The following ZNF727 variants were observed in gnomAD, a reference collection of about 807,000 sequenced individuals.
ZNF727 encodes the protein putative zinc finger protein 727.
A neutral mutation model predicts 11.5 loss-of-function variants in ZNF727; 11 were observed. The ratio of observed to expected loss-of-function variants is 0.95; its 90% CI spans 0.60 to 1.58. The LOEUF is 1.58. ZNF727 is among the 40% of genes most tolerant of loss of function. ZNF727 has a pLI of 0.00. For missense variants in ZNF727, 533 were observed against 581.7 expected (o/e 0.92, Z 0.86); for synonymous variants, 171 against 196.1 (o/e 0.87, Z 1.07).
rs1163911698 is a variant in ZNF727, at chr7:64,079,235, C to T, written c.*686C>T. 6.6e-6 allele frequency among the ~76,000 whole-genome samples: 1 copy of T among 152,184 alleles called. No individual in the cohort carries two copies. Among genetic ancestry groups the T allele is most frequent in the Non-Finnish European group, 1.5e-5 (1 of 68,016 alleles). On this transcript the variant is annotated 3_prime_UTR_variant, in exon 4 of 4. Transcript: ENST00000456806. ...TAAGACAATTCATAGTAGAGAGAAG[C>T]TCCACAAGTGTTAAAAATGTGGAAA...
At chr7:64,053,623 T>A (rs1199131581) in intron 1 of ZNF727, among the ~76,000 whole-genome samples, 1 of 151,970 alleles carries the variant, frequency 6.6e-6, no homozygotes. Flanking sequence ...TGGGCTGAGA[T>A]CTGATAGTTT....
intron 1 of ZNF727, among the ~76,000 whole-genome samples, chr7:64,046,896 T>C (rs767104615): frequency 1.8e-4 from 27 of 152,196 alleles, no homozygotes; most frequent in Non-Finnish European, 2.9e-4. Flanking sequence ...TGTATTGCAT[T>C]TGCACCCATC....
chr7:64,069,024 A>G lies in ZNF727; in HGVS notation c.130+7A>G, dbSNP rs1026403914. ...GGAAACCTGTTCTCCTTGGGTGAGA[A>G]TAACTTCAATATACAACTCATATTC... On this transcript the variant is annotated splice_region_variant and intron_variant, in intron 2 of 3. Transcript: ENST00000456806. The G allele has an allele frequency of 1.4e-4, 226 of 1,587,266 alleles. No homozygotes were observed. Among genetic ancestry groups the G allele is most frequent in the Non-Finnish European group, 1.8e-4 (214 of 1,168,654 alleles).
chr7:64,075,401 G>A (rs539478199), intron 3 of ZNF727, among the ~76,000 whole-genome samples: 9 of 151,664 alleles, frequency 5.9e-5, no homozygotes, highest in African/African-American at 2.2e-4. Flanking sequence ...TGATTATAAT[G>A]CATTTTCTAT....
intron 3 of ZNF727, among the ~76,000 whole-genome samples, chr7:64,070,857 G>T (rs1481904175): frequency 6.6e-6 from 1 of 151,960 alleles, no homozygotes; most frequent in African/African-American, 2.4e-5. Context: ...CTCCATAGAG[G>T]TGAGATCATA....
chr7:64,064,223 G>A (rs1278979388), intron 1 of ZNF727, among the ~76,000 whole-genome samples: 1 of 152,104 alleles, frequency 6.6e-6, no homozygotes, highest in East Asian at 1.9e-4. Flanking sequence ...GCCACAGCTT[G>A]GATTGCACTG....
chr7:64,074,916 A>G (rs1584155582), intron 3 of ZNF727, among the ~76,000 whole-genome samples: 1 of 152,098 alleles, frequency 6.6e-6, no homozygotes, highest in Middle Eastern at 3.4e-3. Context: ...TATCTTCTTT[A>G]CTATGAAGAT....
chr7:64,049,026 C>T (rs140400328), intron 1 of ZNF727, among the ~76,000 whole-genome samples: 1 of 152,166 alleles, frequency 6.6e-6, no homozygotes, highest in East Asian at 1.9e-4. Context: ...TTTAGTGGCA[C>T]AGGTATTGGC....
At chr7:64,052,412 C>G (rs1789615039) in intron 1 of ZNF727, among the ~76,000 whole-genome samples, 1 of 147,352 alleles carries the variant, frequency 6.8e-6, no homozygotes, top group African/African-American at 2.5e-5. Flanking sequence ...CTGCTGCCAT[C>G]CACATAAGAT....
intron 3 of ZNF727, among the ~76,000 whole-genome samples, chr7:64,075,192 C>A (rs1344584789): frequency 2.0e-5 from 3 of 151,762 alleles, no homozygotes; most frequent in African/African-American, 7.3e-5. Context: ...TCTAATTGTT[C>A]ATTTTATTTT....
Position 64,077,551 on chromosome 7 carries a change from A to G in ZNF727, c.502A>G (p.Ser168Gly), listed in dbSNP as rs751769062. 2 of 1,551,452 alleles carry G rather than the reference A, an allele frequency of 1.3e-6. No individual in the cohort carries two copies. The highest frequency in any genetic ancestry group is 2.4e-5 in the South Asian group (2 of 84,044). Residue 168 changes from serine (S) to glycine (G), a missense_variant, in exon 4 of 4, where the codon AGC becomes GGC. This residue lies in a region of ZNF727 where 463 missense variants were observed against 494.5 expected (regional missense o/e 0.94). Transcript: ENST00000456806. ...SIFTEHKKIF[S>G]REKCYKCEEC... is the part of the protein sequence containing the mutation. The stretch of plus-strand genomic sequence containing the variant: ...CTTCACTGAACATAAGAAAATTTTT[A>G]GCAGAGAGAAATGCTACAAATGTGA...
chr7:64,069,670 C>G, intron 3 of ZNF727, 61 bp downstream of exon 3: 1 of 1,308,202 alleles, frequency 7.6e-7, no homozygotes, highest in South Asian at 1.3e-5. Flanking sequence ...AAGGAGGAAG[C>G]CAGACCTTGA....
At position 64,080,469 on chromosome 7, in the gene ZNF727, G is replaced by A. The variant is rs1354743874; in HGVS notation, c.*1920G>A. Among the ~76,000 whole-genome samples, 1 of 151,784 alleles carries A rather than the reference G, an allele frequency of 6.6e-6. No individual in the cohort carries two copies. Among genetic ancestry groups the A allele is most frequent in the African/African-American group, 2.4e-5 (1 of 41,312 alleles). On this transcript the variant is annotated 3_prime_UTR_variant, in exon 4 of 4. Transcript: ENST00000456806. Reference sequence around the variant, plus strand: ...TAACACTTGTGATTACATTATAAAGGTTTTGTATTGTGTTTTTCAGTTCTA... The same window carrying A: ...TAACACTTGTGATTACATTATAAAGATTTTGTATTGTGTTTTTCAGTTCTA...
chr7:64,078,288 A>G lies in ZNF727; in HGVS notation c.1239A>G (p.Lys413=), dbSNP rs1174149306. ...TTACCTGCTCCTCAAACCTTATTAA[A>G]CACAAGAGAATTCATATGGAAGTGA... is the stretch of plus-strand genomic sequence containing the variant. The part of the protein sequence containing the change: ...KSFTCSSNLI[K]HKRIHMEVRP... The change falls in exon 4 of 4, where the codon AAA becomes AAG. Residue 413 remains lysine (K), a synonymous_variant. Coordinates refer to ENST00000456806, the MANE Select transcript of ZNF727 (RefSeq NM_001159522.3). 3.8e-6 allele frequency: 6 copies of G among 1,588,850 alleles called. No individual in the cohort carries two copies. Among genetic ancestry groups the G allele is most frequent in the Non-Finnish European group, 5.1e-6 (6 of 1,167,606 alleles).
chr7:64,071,808 T>G (rs1408252651), intron 3 of ZNF727, among the ~76,000 whole-genome samples: 1 of 152,084 alleles, frequency 6.6e-6, no homozygotes, highest in African/African-American at 2.4e-5. Flanking sequence ...TTCTGGGTAT[T>G]CCCTTTTCCC....
chr7:64,080,998 G>A lies in ZNF727; in HGVS notation c.*2449G>A, dbSNP rs1785777876. Among the ~76,000 whole-genome samples the A allele has an allele frequency of 1.3e-5, 2 of 151,732 alleles. No individual in the cohort carries two copies. The highest frequency in any genetic ancestry group is 4.2e-4 in the South Asian group (2 of 4,806). The stretch of plus-strand genomic sequence containing the variant: ...CTTAGAGTCTGCATACTCTAACTCT[G>A]GGGGAGTTGTATTGAGCCCCAACTG... On this transcript the variant is annotated 3_prime_UTR_variant, in exon 4 of 4. Transcript: ENST00000456806.
At chr7:64,070,091 C>T (rs2861507) in intron 3 of ZNF727, among the ~76,000 whole-genome samples, 15 of 151,804 alleles carry the variant, frequency 9.9e-5, no homozygotes, top group Admixed American at 3.9e-4. Flanking sequence ...GTGCTTCCTG[C>T]TTTATAATTT....
intron 3 of ZNF727, among the ~76,000 whole-genome samples, chr7:64,075,565 A>G (rs1372752151): frequency 6.6e-6 from 1 of 152,140 alleles, no homozygotes; most frequent in Non-Finnish European, 1.5e-5. Context: ...CCAAAAAAAA[A>G]TTATGCTCTT....
Position 64,066,600 on chromosome 7 carries a change from T to G in ZNF727, c.4-2291T>G, listed in dbSNP as rs750304398. ...GTGCTGGGAAAACTGTCTCGCCATA[T>G]GCAGAAAACAGAAACTGGACCCCTT... On this transcript the variant is annotated intron_variant, in intron 1 of 3. Transcript: ENST00000456806. Among the ~76,000 whole-genome samples the G allele has an allele frequency of 5.0e-4, 76 of 152,154 alleles. 1 individual carries two copies. The highest frequency in any genetic ancestry group is 1.2e-4 in the Non-Finnish European group (8 of 68,032).
Sources: gnomAD v4.1 joint callset for allele counts (sites outside exome capture counted in the v4.1 genomes callset) on GRCh38, gnomAD v4.1.1 for gene constraint, gnomAD v4.1.1 regional missense constraint, MANE v1.5 for transcripts, NCBI Gene and HGNC (gene_info 2026-07-23, HGNC 2026-07-21) for gene names.